Variants in AGPAT5 observed in about 807,000 individuals in gnomAD.
The protein encoded by AGPAT5 is 1-acyl-sn-glycerol-3-phosphate acyltransferase epsilon.
Under a neutral mutation model 45.6 loss-of-function variants are expected in AGPAT5, and 46 were observed. The ratio of observed to expected loss-of-function variants is 1.01; its 90% CI spans 0.80 to 1.29. AGPAT5 has a LOEUF of 1.29. Ranked by LOEUF, AGPAT5 falls within the 50% of genes most tolerant of loss-of-function variation. The pLI is 0.00. For synonymous variants in AGPAT5, 272 were observed against 167.0 expected, an observed-to-expected ratio of 1.63 and a Z score of -4.85; for missense variants, 673 against 450.7, an observed-to-expected ratio of 1.49 and a Z score of -4.47.
chr8:6,722,679 C>G (rs1800543815), intron 1 of AGPAT5, among the ~76,000 whole-genome samples: 2 of 152,218 alleles, frequency 1.3e-5, no homozygotes, highest in South Asian at 2.1e-4. Flanking sequence ...TGGTCCGCAT[C>G]TAATTCAGGC....
At position 6,751,117 on chromosome 8, in the gene AGPAT5, A is replaced by G. The variant is rs1801642957; in HGVS notation, c.745+3289A>G. On this transcript the variant is annotated intron_variant, in intron 6 of 7. Coordinates refer to ENST00000285518, the MANE Select transcript of AGPAT5 (RefSeq NM_018361.5). Reference sequence around the variant, plus strand: ...TTGATGGGTGTTCTGGTCTGGTTATAATCTACTTTAGTTTAAGAGTCACTT... The same window carrying G: ...TTGATGGGTGTTCTGGTCTGGTTATGATCTACTTTAGTTTAAGAGTCACTT... Among the ~76,000 whole-genome samples, 3 of 152,164 alleles carry G rather than the reference A, an allele frequency of 2.0e-5. No individual in the cohort carries two copies. In the South Asian group the frequency reaches 6.2e-4, roughly 32 times the overall value.
intron 6 of AGPAT5, among the ~76,000 whole-genome samples, chr8:6,752,596 C>A (rs914902122): frequency 2.0e-4 from 30 of 152,086 alleles, no homozygotes; most frequent in Non-Finnish European, 8.8e-5. Context: ...AGCAAGTAGA[C>A]CTGTGACCTG....
intron 4 of AGPAT5, among the ~76,000 whole-genome samples, chr8:6,733,352 T>C (rs1800936269): frequency 6.6e-6 from 1 of 152,180 alleles, no homozygotes; most frequent in South Asian, 2.1e-4. Context: ...CCTCTCCTCC[T>C]GCCCTCCCCT....
At chr8:6,727,144 C>T (rs1800715208) in intron 2 of AGPAT5, among the ~76,000 whole-genome samples, 2 of 152,160 alleles carry the variant, frequency 1.3e-5, no homozygotes, top group South Asian at 4.1e-4. Flanking sequence ...GACTGTTGTT[C>T]TGCTTAGACT....
At position 6,757,483 on chromosome 8, in the gene AGPAT5, T is replaced by A; in HGVS notation, c.*95T>A. 1.0e-6 allele frequency: 1 copy of A among 956,594 alleles called. No individual in the cohort carries two copies. Among genetic ancestry groups the A allele is most frequent in the Non-Finnish European group, 1.6e-6 (1 of 618,282 alleles). The allele number at this position is 956,594 out of a possible 1,614,324, so 59.3% of individuals were successfully genotyped here. A position where few individuals can be genotyped will look rare whatever the true frequency, so the allele number is the denominator to read the frequency against. On this transcript the variant is annotated 3_prime_UTR_variant, in exon 8 of 8. Coordinates refer to ENST00000285518, the MANE Select transcript of AGPAT5 (RefSeq NM_018361.5). ...ATTGTTTCCTGAATTTATTAAGGAG[T>A]GTAAATAAAGCCTTGTTGATTGAAG...
chr8:6,738,950 G>C (rs1214648896), intron 4 of AGPAT5, among the ~76,000 whole-genome samples: 4 of 151,646 alleles, frequency 2.6e-5, no homozygotes, highest in Non-Finnish European at 5.9e-5. Flanking sequence ...TTAGAGTTTT[G>C]CTTTTACATT....
At position 6,759,280 on chromosome 8, in the gene AGPAT5, C is replaced by G. The variant is rs1801952094; in HGVS notation, c.*1892C>G. 6.6e-6 allele frequency: 1 copy of G among 152,084 alleles called. No homozygotes were observed. 9.4% of individuals were successfully genotyped at this position (152,084 alleles called of 1,614,324 possible). On this transcript the variant is annotated 3_prime_UTR_variant, in exon 8 of 8. Transcript: ENST00000285518. ...CAATACTGTTGGAATTATGTGGATT[C>G]TAACTCATTTTAACAAGGTAGCCTG... is the stretch of plus-strand genomic sequence containing the variant.
chr8:6,747,213 C>T (rs1043134636), intron 5 of AGPAT5, among the ~76,000 whole-genome samples: 2 of 152,238 alleles, frequency 1.3e-5, no homozygotes, highest in African/African-American at 4.8e-5. Context: ...GAATGAAGCA[C>T]TGAGTCCTGC....
intron 1 of AGPAT5, among the ~76,000 whole-genome samples, chr8:6,723,141 T>C (rs1328039809): frequency 1.3e-5 from 2 of 152,210 alleles, no homozygotes; most frequent in Non-Finnish European, 2.9e-5. Flanking sequence ...GAAAATGAGG[T>C]ATAGCTTTGC....
chr8:6,747,801 C>T lies in AGPAT5; in HGVS notation c.718C>T (p.Gln240Ter). The change falls in exon 6 of 8, where the codon CAG (glutamine) becomes TAG (stop). Residue 240 changes from glutamine (Q) to a stop codon, truncating the protein, a stop_gained. Transcript: ENST00000285518. LOFTEE classifies it high-confidence loss of function. ...TTATGAAGGGAAAGACGATGGAGGG[C>T]AGCGAAGAGAGTCACCGACCATGAC... is the stretch of plus-strand genomic sequence containing the variant. Reference protein sequence around the residue: ...VVYEGKDDGGQRRESPTMTEF... With the variant: ...VVYEGKDDGG 6.2e-7 allele frequency: 1 copy of T among 1,614,080 alleles called. No homozygotes were observed. The highest frequency in any genetic ancestry group is 8.5e-7 in the Non-Finnish European group (1 of 1,179,990).
intron 2 of AGPAT5, among the ~76,000 whole-genome samples, chr8:6,727,369 A>G (rs1254991496): frequency 6.7e-6 from 1 of 148,236 alleles, no homozygotes; most frequent in Non-Finnish European, 1.5e-5. Flanking sequence ...TCAACTATCT[A>G]CTTTTGACAA....
At chr8:6,717,744 G>T (rs531684861) in intron 1 of AGPAT5, among the ~76,000 whole-genome samples, 12 of 152,220 alleles carry the variant, frequency 7.9e-5, no homozygotes, top group African/African-American at 2.9e-4. Context: ...CATTGCTTCC[G>T]GGCTTAATTT....
At chr8:6,709,178 C>A (rs908825254) in intron 1 of AGPAT5, 7 of 487,582 alleles carry the variant, frequency 1.4e-5, no homozygotes, top group African/African-American at 1.2e-4. Context: ...TGCAGATGCA[C>A]GTTTTAAATA....
chr8:6,735,449 C>G (rs888336882), intron 4 of AGPAT5, among the ~76,000 whole-genome samples: 3 of 152,170 alleles, frequency 2.0e-5, no homozygotes, highest in African/African-American at 7.2e-5. Context: ...GTCTGTAGCC[C>G]AGGGGTTCGT....
intron 4 of AGPAT5, among the ~76,000 whole-genome samples, chr8:6,735,753 C>G (rs754020018): frequency 6.6e-6 from 1 of 151,974 alleles, no homozygotes; most frequent in African/African-American, 2.4e-5. Context: ...GAAGCCGCCT[C>G]CCATTTTTGG....
chr8:6,724,265 C>G (rs756504910), intron 1 of AGPAT5, among the ~76,000 whole-genome samples: 1 of 152,118 alleles, frequency 6.6e-6, no homozygotes, highest in Non-Finnish European at 1.5e-5. Flanking sequence ...GCTCCTCAGC[C>G]GCGACACTGC....
chr8:6,731,064 C>G (rs549114218), intron 3 of AGPAT5, among the ~76,000 whole-genome samples: 1 of 151,964 alleles, frequency 6.6e-6, no homozygotes, highest in Non-Finnish European at 1.5e-5. Flanking sequence ...AGATGGGGGT[C>G]TCGCTGTGTT....
chr8:6,724,891 C>A lies in AGPAT5; in HGVS notation c.241C>A (p.Pro81Thr), dbSNP rs757189271. ...TTAGATATTGCTATATGGAGATTTG[C>A]CAAAAAATAAAGAAAATATAATATA... Reference protein sequence around the residue: ...GVQILLYGDLPKNKENIIYLA... With the variant: ...GVQILLYGDLTKNKENIIYLA... Residue 81 changes from proline (P) to threonine (T), a missense_variant, in exon 2 of 8, where the codon CCA becomes ACA. Transcript: ENST00000285518. The A allele has an allele frequency of 8.8e-7, 1 of 1,134,082 alleles. No individual in the cohort carries two copies. The highest frequency in any genetic ancestry group is 1.2e-6 in the Non-Finnish European group (1 of 855,352). The allele number at this position is 1,134,082 out of a possible 1,614,324, so 70.3% of individuals were successfully genotyped here.
At chr8:6,746,022 C>G (rs944996195) in intron 5 of AGPAT5, 1 of 151,048 alleles carries the variant, frequency 6.6e-6, no homozygotes, top group South Asian at 2.1e-4. Context: ...TTCCTTCCCT[C>G]ACTCGTTCTC....
Sources: allele counts gnomAD v4.1 joint callset (sites outside exome capture counted in the v4.1 genomes callset), GRCh38; gene constraint gnomAD v4.1.1; transcripts MANE v1.5; gene names NCBI Gene and HGNC (gene_info 2026-07-23, HGNC 2026-07-21).